Variants in TENM2 observed in about 807,000 individuals in gnomAD.
TENM2 encodes the protein teneurin-2.
Under a neutral mutation model 245.2 loss-of-function variants are expected in TENM2, and 52 were observed. The observed-to-expected ratio is 0.21, with a 90% CI of 0.17 to 0.27. The LOEUF is 0.27. Ranked by LOEUF, TENM2 falls within the 10% of genes least tolerant of loss-of-function variation. The pLI is 1.00. For synonymous variants in TENM2, 1,363 were observed against 1,438.9 expected (o/e 0.95, Z 1.19); for missense variants, 3,046 against 3,666.8 (o/e 0.83, Z 4.37).
At chr5:168,219,849 A>AAAAC (rs1763513675) in intron 23 of TENM2, among the ~76,000 whole-genome samples, 1 of 149,578 alleles carries the variant, frequency 6.7e-6, no homozygotes, top group Non-Finnish European at 1.5e-5. Context: ...AAAAAAAAAA[A>AAAAC]GCGGGGGACA....
At chr5:167,407,352 A>C (rs1762689669) in intron 2 of TENM2, among the ~76,000 whole-genome samples, 1 of 152,158 alleles carries the variant, frequency 6.6e-6, no homozygotes, top group Admixed American at 6.6e-5. Context: ...CATAGGTACT[A>C]GTTAAAGGAG....
At chr5:167,562,957 C>CAAAAAA (rs58779751) in intron 2 of TENM2, among the ~76,000 whole-genome samples, 16 of 77,338 alleles carry the variant, frequency 2.1e-4, no homozygotes, top group Non-Finnish European at 2.6e-4. Flanking sequence ...AATTCTGTCT[C>CAAAAAA]AAAAAAAAAA....
chr5:167,968,229 A>G (rs1295977673), intron 4 of TENM2, among the ~76,000 whole-genome samples: 5 of 152,298 alleles, frequency 3.3e-5, no homozygotes, highest in Middle Eastern at 3.4e-3. Flanking sequence ...ATTTGGGGCC[A>G]TTCTGTGAGT....
intron 5 of TENM2, among the ~76,000 whole-genome samples, chr5:168,000,842 A>C (rs1307739192): frequency 6.6e-6 from 1 of 152,220 alleles, no homozygotes; most frequent in African/African-American, 2.4e-5. Context: ...TATTTAAAAA[A>C]TTCTGAATCT....
At chr5:167,844,769 T>G (rs1341180492) in intron 2 of TENM2, among the ~76,000 whole-genome samples, 1 of 151,998 alleles carries the variant, frequency 6.6e-6, no homozygotes, top group Non-Finnish European at 1.5e-5. Flanking sequence ...CTGGATCTAA[T>G]TGCCTTTATC....
rs534699743 is a variant in TENM2, at chr5:167,755,265, T to C, written c.503-120721T>C. 8 of 1,192,070 alleles carry C rather than the reference T, an allele frequency of 6.7e-6. No homozygotes were observed. The African/African-American group carries it at 7.4e-5, about 11-fold the overall frequency. The allele number at this position is 1,192,070 out of a possible 1,614,324, so 73.8% of individuals were successfully genotyped here. ...CCTCACTGACAGGGTAGTTGGAGTA[T>C]TTACTTTAACCCTTCAGCGGATACC... On this transcript the variant is annotated intron_variant, in intron 2 of 28. Transcript: ENST00000518659.
chr5:167,409,969 AT>A (rs1762824529), intron 2 of TENM2, among the ~76,000 whole-genome samples: 1 of 151,954 alleles, frequency 6.6e-6, no homozygotes, highest in African/African-American at 2.4e-5. Context: ...GAAATTTGTA[AT>A]TAATATTAAT....
the TENM2 span, among the ~76,000 whole-genome samples, chr5:167,278,185 T>C: frequency 6.6e-6 from 1 of 152,066 alleles, no homozygotes; most frequent in East Asian, 1.9e-4. Context: ...ACGCTTGTAG[T>C]CCCAGCTACT....
chr5:168,191,751 CT>C (rs1398944364), intron 14 of TENM2, among the ~76,000 whole-genome samples: 2 of 152,108 alleles, frequency 1.3e-5, no homozygotes, highest in Non-Finnish European at 2.9e-5. Flanking sequence ...ACAGAAGCAC[CT>C]AACTTTATAA....
intron 17 of TENM2, 44 bp downstream of exon 19, chr5:168,200,175 A>G: frequency 6.4e-7 from 1 of 1,569,338 alleles, no homozygotes; most frequent in Non-Finnish European, 8.7e-7. Flanking sequence ...GGATTTAGTC[A>G]TGTGTTAATT....
intron 2 of TENM2, among the ~76,000 whole-genome samples, chr5:167,667,616 A>C (rs1221542077): frequency 6.6e-6 from 1 of 152,180 alleles, no homozygotes; most frequent in African/African-American, 2.4e-5. Flanking sequence ...GGAAAGAAGG[A>C]GGGAGGTTGG....
intron 2 of TENM2, among the ~76,000 whole-genome samples, chr5:167,857,689 A>G (rs1192099189): frequency 6.6e-6 from 1 of 152,316 alleles, no homozygotes; most frequent in South Asian, 2.1e-4. Context: ...GTCTAATGTC[A>G]TATGTGGGTT....
intron 3 of TENM2, among the ~76,000 whole-genome samples, chr5:167,920,472 C>T (rs994117262): frequency 6.6e-6 from 1 of 150,676 alleles, no homozygotes; most frequent in African/African-American, 2.4e-5. Context: ...GAGCCAAGCT[C>T]GTGCCACTGT....
At position 167,690,034 on chromosome 5, in the gene TENM2, C is replaced by T. The variant is rs185513183; in HGVS notation, c.503-185952C>T. Among the ~76,000 whole-genome samples the T allele has an allele frequency of 1.5e-3, 223 of 149,896 alleles. 1 individual carries two copies. Among genetic ancestry groups the T allele is most frequent in the Non-Finnish European group, 2.5e-3 (172 of 67,722 alleles). On this transcript the variant is annotated intron_variant, in intron 2 of 28. Transcript: ENST00000518659. Reference sequence around the variant, plus strand: ...TAATTTTGGGCCCATGACCCGGGAACTTCACCTCCTATTTGAAAAGAAAAT... The same window carrying T: ...TAATTTTGGGCCCATGACCCGGGAATTTCACCTCCTATTTGAAAAGAAAAT...
At chr5:167,795,186 G>A (rs141077118) in intron 2 of TENM2, among the ~76,000 whole-genome samples, 1,532 of 152,222 alleles carry the variant, frequency 0.01, 103 homozygotes, top group Admixed American at 0.086. Flanking sequence ...CTCACCCTTA[G>A]GGAGGTGTTT....
intron 1 of TENM2, among the ~76,000 whole-genome samples, chr5:167,289,154 A>G (rs1011524981): frequency 1.3e-5 from 2 of 152,188 alleles, no homozygotes; most frequent in Non-Finnish European, 1.5e-5. Flanking sequence ...TTTCGACTGT[A>G]GGGATGTGTA....
intron 10 of TENM2, among the ~76,000 whole-genome samples, chr5:168,122,408 C>T (rs1225491011): frequency 6.6e-6 from 1 of 152,120 alleles, no homozygotes; most frequent in South Asian, 2.1e-4. Flanking sequence ...GGTCTCCTGA[C>T]CTCGTGATCC....
exon 25 of TENM2, chr5:168,228,081 G>A: frequency 6.2e-7 from 1 of 1,613,858 alleles, no homozygotes; most frequent in Non-Finnish European, 8.5e-7. Flanking sequence ...TGGCGCCTAA[G>A]AAAGGAACAG....
At chr5:166,981,314 T>G in the TENM2 span, among the ~76,000 whole-genome samples, 1 of 152,216 alleles carries the variant, frequency 6.6e-6, no homozygotes, top group Admixed American at 6.5e-5. Context: ...AATATTTTCA[T>G]GGACCTTTGA....
Sources: gnomAD v4.1 joint callset for allele counts (sites outside exome capture counted in the v4.1 genomes callset) on GRCh38, gnomAD v4.1.1 for gene constraint, MANE v1.5 for transcripts, NCBI Gene and HGNC (gene_info 2026-07-23, HGNC 2026-07-21) for gene names.